The following SPAG17 variants were observed in gnomAD, a reference collection of about 807,000 sequenced individuals.
SPAG17 encodes sperm-associated antigen 17.
A neutral mutation model predicts 273.6 loss-of-function variants in SPAG17; 169 were observed. The observed-to-expected ratio is 0.62, with a 90% CI of 0.55 to 0.70. The LOEUF is 0.70. Ranked by LOEUF, SPAG17 falls within the 30% of genes least tolerant of loss-of-function variation. The probability of loss-of-function intolerance (pLI) is 0.00; values close to 1 mark genes in which losing one functional copy is unlikely to be tolerated. For synonymous variants in SPAG17, 825 were observed against 873.2 expected, an observed-to-expected ratio of 0.94 and a Z score of 0.97; for missense variants, 2,557 against 2,627.8, an observed-to-expected ratio of 0.97 and a Z score of 0.59.
chr1:118,063,804 C>T (rs534691026), intron 18 of SPAG17, among the ~76,000 whole-genome samples: 1 of 152,180 alleles, frequency 6.6e-6, no homozygotes, highest in South Asian at 2.1e-4. Context: ...AGGCAACCTA[C>T]AAAATGGGAG....
Position 117,992,639 on chromosome 1 carries a change from G to C in SPAG17, c.5188C>G (p.Pro1730Ala). ...ATCTGAGTACCAAACGGAGGTCCTG[G>C]AGTTTTTTTCTGTTAACAAAACAAA... is the stretch of plus-strand genomic sequence containing the variant. ...ETFPSVEKKT[P>A]GPPFGTQIWK... is the part of the protein sequence containing the mutation. Residue 1730 changes from proline to alanine, a missense_variant, in exon 36 of 49, where the codon CCA becomes GCA. By Grantham distance (27) the Pro-to-Ala change is conservative. Coordinates refer to ENST00000336338, the MANE Select transcript of SPAG17 (RefSeq NM_206996.4). The C allele has an allele frequency of 6.3e-7, 1 of 1,588,876 alleles. No individual in the cohort carries two copies. The highest frequency in any genetic ancestry group is 8.5e-7 in the Non-Finnish European group (1 of 1,171,762).
At chr1:118,154,312 A>G (rs1659538764) in intron 1 of SPAG17, among the ~76,000 whole-genome samples, 1 of 152,224 alleles carries the variant, frequency 6.6e-6, no homozygotes, top group Non-Finnish European at 1.5e-5. Flanking sequence ...TTTAGTGTCT[A>G]ATCACATGGC....
At chr1:118,011,327 C>T (rs72631716) in intron 30 of SPAG17, among the ~76,000 whole-genome samples, 8,669 of 152,194 alleles carry the variant, frequency 0.057, 440 homozygotes, top group East Asian at 0.3. Flanking sequence ...AACCTAAATG[C>T]CCATCAGTGG....
intron 18 of SPAG17, among the ~76,000 whole-genome samples, chr1:118,066,140 T>C (rs996051998): frequency 6.6e-6 from 1 of 152,130 alleles, no homozygotes; most frequent in African/African-American, 2.4e-5. Flanking sequence ...TTCTGTATTC[T>C]TTAAAACTAA....
chr1:118,034,424 T>C (rs1039064170), intron 24 of SPAG17, among the ~76,000 whole-genome samples: 5 of 152,238 alleles, frequency 3.3e-5, no homozygotes, highest in African/African-American at 9.6e-5. Flanking sequence ...ACTGGACTTT[T>C]ACACATGCTA....
intron 3 of SPAG17, among the ~76,000 whole-genome samples, chr1:118,120,303 A>G (rs1570728417): frequency 6.6e-6 from 1 of 152,048 alleles, no homozygotes; most frequent in East Asian, 1.9e-4. Flanking sequence ...CAAATTTTTA[A>G]TTTTGTTTTT....
chr1:118,052,416 T>C (rs889835042), intron 20 of SPAG17, among the ~76,000 whole-genome samples: 1 of 151,640 alleles, frequency 6.6e-6, no homozygotes, highest in African/African-American at 2.4e-5. Context: ...ATCGGGAAGA[T>C]GTTGGTCAAG....
chr1:118,169,663 T>C (rs1660329437), intron 1 of SPAG17, among the ~76,000 whole-genome samples: 1 of 152,202 alleles, frequency 6.6e-6, no homozygotes, highest in Non-Finnish European at 1.5e-5. Flanking sequence ...GAACTCTTCC[T>C]TCCCAAATCC....
intron 28 of SPAG17, among the ~76,000 whole-genome samples, chr1:118,021,324 C>T (rs1660475048): frequency 6.6e-6 from 1 of 152,026 alleles, no homozygotes; most frequent in African/African-American, 2.4e-5. Context: ...AGGTATGATT[C>T]TAATCATATG....
intron 48 of SPAG17, chr1:117,963,419 A>G (rs1653373947): frequency 6.7e-6 from 1 of 150,232 alleles, no homozygotes; most frequent in Admixed American, 6.7e-5. Flanking sequence ...GCTGGAGTGC[A>G]GTGGCACGAT....
At chr1:117,960,870 ATAGTC>A (rs1244174451) in intron 48 of SPAG17, 6 of 152,240 alleles carry the variant, frequency 3.9e-5, no homozygotes, top group Non-Finnish European at 8.8e-5. Flanking sequence ...AAATGATAAA[ATAGTC>A]TAGTATCTAC....
At chr1:117,991,688 C>T (rs1657095320) in intron 36 of SPAG17, among the ~76,000 whole-genome samples, 160 bp from the exon 37 acceptor site, 1 of 152,102 alleles carries the variant, frequency 6.6e-6, no homozygotes. Context: ...AAGACTTTTT[C>T]TTAATATGTT....
At chr1:118,164,810 C>T (rs1255617781) in intron 1 of SPAG17, among the ~76,000 whole-genome samples, 2 of 152,230 alleles carry the variant, frequency 1.3e-5, no homozygotes, top group African/African-American at 4.8e-5. Flanking sequence ...AGGCAAATTG[C>T]TCTGTGTAAA....
Position 118,025,312 on chromosome 1 carries a change from C to A in SPAG17, c.3835G>T (p.Ala1279Ser), listed in dbSNP as rs542689124. Residue 1279 changes from alanine to serine, a missense_variant, in exon 27 of 49, where the codon GCA becomes TCA. Physicochemically the swap from Ala to Ser is moderately conservative, Grantham distance 99 (BLOSUM62 1). Transcript: ENST00000336338. Reference sequence around the variant, plus strand: ...ATAACCCTTGAAGCCTCCTGCTCTGCGGGTGGCATCACCGTTTTATAGAAC... The same window carrying A: ...ATAACCCTTGAAGCCTCCTGCTCTGAGGGTGGCATCACCGTTTTATAGAAC... ...YEFYKTVMPPAEQEASRVITS... is the reference protein window; with the variant it reads ...YEFYKTVMPPSEQEASRVITS... 1 of 1,613,574 alleles carries A rather than the reference C, an allele frequency of 6.2e-7. No homozygotes were observed. Among genetic ancestry groups the A allele is most frequent in the East Asian group, 2.2e-5 (1 of 44,862 alleles).
At chr1:118,154,588 C>G (rs567892524) in intron 1 of SPAG17, among the ~76,000 whole-genome samples, 1 of 152,240 alleles carries the variant, frequency 6.6e-6, no homozygotes, top group African/African-American at 2.4e-5. Context: ...CTTCCACCAA[C>G]TGGCGGCATT....
At chr1:118,177,023 T>C (rs1660727294) in intron 1 of SPAG17, among the ~76,000 whole-genome samples, 1 of 152,070 alleles carries the variant, frequency 6.6e-6, no homozygotes, top group South Asian at 2.1e-4. Flanking sequence ...AACAACATAC[T>C]GAAATCTATG....
At position 118,164,025 on chromosome 1, in the gene SPAG17, T is replaced by C. The variant is rs141462189; in HGVS notation, c.88-12656A>G. Among the ~76,000 whole-genome samples the C allele has an allele frequency of 1.6e-3, 239 of 152,338 alleles. 1 individual carries two copies. The highest frequency in any genetic ancestry group is 5.3e-3 in the African/African-American group (220 of 41,572). On this transcript the variant is annotated intron_variant, in intron 1 of 48. Transcript: ENST00000336338. ...ATGACACCACCCCGTTCTCATTCTGTCTTTATTCCTTTGGCTGTTCCTTCT... is the reference window on the plus strand; with the variant it reads ...ATGACACCACCCCGTTCTCATTCTGCCTTTATTCCTTTGGCTGTTCCTTCT...
Position 118,179,546 on chromosome 1 carries a change from T to G in SPAG17, c.87+5525A>C, listed in dbSNP as rs540378183. ...ATTGGTCTAGGCAAGTATTTTTTTG[T>G]GTAAGACCTCAAAAGCATATGCAAC... On this transcript the variant is annotated intron_variant, in intron 1 of 48. Transcript: ENST00000336338. 2.6e-4 allele frequency among the ~76,000 whole-genome samples: 39 copies of G among 152,020 alleles called. No homozygotes were observed. In the South Asian group the frequency reaches 8.1e-3, roughly 31 times the overall value.
chr1:118,104,624 A>T (rs960571171), intron 4 of SPAG17, among the ~76,000 whole-genome samples: 1 of 152,216 alleles, frequency 6.6e-6, no homozygotes, highest in Admixed American at 6.5e-5. Flanking sequence ...GGGTATAGGG[A>T]GAGATGCCAG....
Sources: allele counts gnomAD v4.1 joint callset (sites outside exome capture counted in the v4.1 genomes callset), GRCh38; gene constraint gnomAD v4.1.1; transcripts MANE v1.5; gene names NCBI Gene and HGNC (gene_info 2026-07-23, HGNC 2026-07-21).